Variants in ATAD5 observed in about 807,000 individuals in gnomAD.
The protein encoded by ATAD5 is ATPase family AAA domain-containing protein 5.
Under a neutral mutation model 176.9 loss-of-function variants are expected in ATAD5, and 58 were observed. The observed-to-expected ratio is 0.33, with a 90% CI of 0.27 to 0.41. ATAD5 has a LOEUF of 0.41. Among genes scored for constraint, ATAD5 ranks in the 10% least tolerant of loss-of-function variants. ATAD5 has a pLI of 1.00. For missense variants in ATAD5, 1,789 were observed against 2,094.1 expected (o/e 0.85, Z 2.84); for synonymous variants, 640 against 712.6 (o/e 0.90, Z 1.62).
chr17:30,869,101 CAG>C, intron 12 of ATAD5, 145 bp from the exon 13 acceptor site: 1 of 888,612 alleles, frequency 1.1e-6, no homozygotes, highest in Admixed American at 3.1e-5. Context: ...GCTGGGATTA[CAG>C]GCATGTGCCA....
At position 30,832,371 on chromosome 17, in the gene ATAD5, G is replaced by T; in HGVS notation, c.24G>T (p.Ala8=). The T allele has an allele frequency of 6.4e-7, 1 of 1,563,882 alleles. No individual in the cohort carries two copies. The highest frequency in any genetic ancestry group is 8.7e-7 in the Non-Finnish European group (1 of 1,153,922). Residue 8 remains alanine (A), a synonymous_variant, in exon 1 of 23, where the codon GCG becomes GCT. Coordinates refer to ENST00000321990, the MANE Select transcript of ATAD5 (RefSeq NM_024857.5). MVGVLAM[A]AAAAPPPVKD... ...GTATGGTGGGGGTCCTGGCCATGGCGGCTGCAGCTGCTCCGCCTCCCGTGA... is the reference window on the plus strand; with the variant it reads ...GTATGGTGGGGGTCCTGGCCATGGCTGCTGCAGCTGCTCCGCCTCCCGTGA...
chr17:30,845,144 AC>A, intron 6 of ATAD5, among the ~76,000 whole-genome samples: 1 of 152,210 alleles, frequency 6.6e-6, no homozygotes, highest in East Asian at 1.9e-4. Context: ...AACCAAAAAT[AC>A]AAAAAAGCTG....
intron 18 of ATAD5, among the ~76,000 whole-genome samples, chr17:30,884,573 CACGTGCCACCAT>C (rs1909210030): frequency 6.6e-6 from 1 of 150,730 alleles, no homozygotes. Context: ...GGACTACAGG[CACGTGCCACCAT>C]GCCCTGCTAA....
intron 3 of ATAD5, among the ~76,000 whole-genome samples, chr17:30,839,504 T>G (rs867663966): frequency 1.4e-4 from 22 of 151,954 alleles, no homozygotes; most frequent in Middle Eastern, 6.8e-3. Context: ...CTCCATCTCC[T>G]GACCTTGTGA....
At position 30,835,299 on chromosome 17, in the gene ATAD5, A is replaced by C. The variant is rs530437486; in HGVS notation, c.1218A>C (p.Ala406=). The change falls in exon 2 of 23, where the codon GCA becomes GCC. Residue 406 remains alanine (A), a synonymous_variant. Transcript: ENST00000321990. ...AAGAAAGACAGCAATTTATGAAAGC[A>C]TTTAGGCAGCCAGCATCAGATGCAC... is the stretch of plus-strand genomic sequence containing the variant. ...TLEERQQFMK[A]FRQPASDALK... 15 of 1,614,142 alleles carry C rather than the reference A, an allele frequency of 9.3e-6. No individual in the cohort carries two copies. In the Admixed American group the frequency reaches 2.5e-4, roughly 27 times the overall value.
chr17:30,883,077 G>A (rs1012386452), intron 18 of ATAD5, among the ~76,000 whole-genome samples: 2 of 151,732 alleles, frequency 1.3e-5, no homozygotes, highest in African/African-American at 4.8e-5. Flanking sequence ...TTAAAATGTG[G>A]CTAGACCCCA....
intron 14 of ATAD5, among the ~76,000 whole-genome samples, chr17:30,874,548 CAAAA>C (rs1298663817): frequency 1.1e-4 from 8 of 70,170 alleles, no homozygotes; most frequent in Admixed American, 5.5e-4. Context: ...TCAAAAGAAA[CAAAA>C]AAAAAAAAAA....
chr17:30,887,739 C>T (rs1233104966), intron 19 of ATAD5, among the ~76,000 whole-genome samples: 2 of 151,966 alleles, frequency 1.3e-5, no homozygotes, highest in East Asian at 1.9e-4. Context: ...ACATGATCCC[C>T]GAAGAGTTTG....
chr17:30,876,126 G>T (rs1030277386), intron 14 of ATAD5, among the ~76,000 whole-genome samples: 1 of 152,020 alleles, frequency 6.6e-6, no homozygotes, highest in African/African-American at 2.4e-5. Flanking sequence ...GACGGAGCGA[G>T]ACCCTGTCTC....
intron 19 of ATAD5, among the ~76,000 whole-genome samples, chr17:30,890,807 C>T (rs1411343847): frequency 2.0e-5 from 3 of 151,892 alleles, no homozygotes; most frequent in Non-Finnish European, 4.4e-5. Flanking sequence ...AAACAATATT[C>T]CCCTACTTCT....
chr17:30,886,438 C>G (rs939725560), intron 18 of ATAD5, among the ~76,000 whole-genome samples: 1 of 151,434 alleles, frequency 6.6e-6, no homozygotes, highest in African/African-American at 2.4e-5. Context: ...CTTGCTCCAT[C>G]GCCGAGGCTG....
chr17:30,871,125 A>C (rs891571963), intron 14 of ATAD5, among the ~76,000 whole-genome samples: 4 of 131,982 alleles, frequency 3.0e-5, no homozygotes, highest in African/African-American at 1.4e-4. Context: ...CAGTTTGGTT[A>C]GTTGTTATTA....
Position 30,835,946 on chromosome 17 carries a change from A to C in ATAD5, c.1865A>C (p.Gln622Pro). The stretch of plus-strand genomic sequence containing the variant: ...TCTGACGATGTACAAGATAATAGTC[A>C]ACTAAAGGCTTCCACTCAAAAAGCA... ...IDSDDVQDNS[Q>P]LKASTQKAAN... Residue 622 changes from glutamine (Q) to proline (P), a missense_variant, in exon 2 of 23, where the codon CAA (glutamine) becomes CCA (proline). By Grantham distance (76) the Gln-to-Pro change is moderately conservative. Transcript: ENST00000321990. The C allele has an allele frequency of 6.2e-7, 1 of 1,614,164 alleles. No individual in the cohort carries two copies. Among genetic ancestry groups the C allele is most frequent in the South Asian group, 1.1e-5 (1 of 91,086 alleles).
At chr17:30,869,073 G>A (rs572166076) in intron 12 of ATAD5, among the ~76,000 whole-genome samples, 175 bp from the exon 13 acceptor site, 13 of 151,786 alleles carry the variant, frequency 8.6e-5, no homozygotes, top group Admixed American at 3.9e-4. Context: ...TGATCTGCCC[G>A]CCTCAGCTTC....
At chr17:30,855,574 T>C (rs561317737) in intron 7 of ATAD5, among the ~76,000 whole-genome samples, 81 of 152,226 alleles carry the variant, frequency 5.3e-4, no homozygotes, top group Non-Finnish European at 1.3e-4. Context: ...TGGTGTCTCA[T>C]GCCTGTAATC....
intron 16 of ATAD5, 73 bp from the exon 17 acceptor site, chr17:30,877,928 CAT>C (rs1386875670): frequency 1.2e-5 from 13 of 1,062,376 alleles, no homozygotes; most frequent in Admixed American, 2.3e-5. Flanking sequence ...CTCTAACAGA[CAT>C]AGAATATTTA....
intron 6 of ATAD5, among the ~76,000 whole-genome samples, chr17:30,847,108 T>G (rs1377481794): frequency 6.6e-6 from 1 of 152,150 alleles, no homozygotes; most frequent in Non-Finnish European, 1.5e-5. Context: ...AAAAAAGTCT[T>G]CTTGTGCCTC....
intron 3 of ATAD5, among the ~76,000 whole-genome samples, chr17:30,839,848 GTGC>G (rs1905992784): frequency 6.7e-6 from 1 of 149,684 alleles, no homozygotes; most frequent in African/African-American, 2.4e-5. Context: ...GCCTCCCAAA[GTGC>G]TGGAATTAGA....
At chr17:30,878,443 C>T (rs1403283036) in intron 17 of ATAD5, among the ~76,000 whole-genome samples, 3 of 151,948 alleles carry the variant, frequency 2.0e-5, no homozygotes, top group Non-Finnish European at 4.4e-5. Context: ...ACTCTTTTGC[C>T]CCTGATAACA....
Sources: allele counts gnomAD v4.1 joint callset (sites outside exome capture counted in the v4.1 genomes callset), GRCh38; gene constraint gnomAD v4.1.1; transcripts MANE v1.5; gene names NCBI Gene and HGNC (gene_info 2026-07-23, HGNC 2026-07-21).